Variants in ARL15 observed in about 807,000 individuals in gnomAD.
ARL15 encodes ARF like GTPase 15.
Under a neutral mutation model 25.2 loss-of-function variants are expected in ARL15, and 19 were observed. The observed-to-expected ratio is 0.75, with a 90% CI of 0.53 to 1.10. The LOEUF is 1.10. ARL15 is among the 50% of genes least tolerant of loss of function. The pLI is 0.00. For missense variants in ARL15, 220 were observed against 246.0 expected, an observed-to-expected ratio of 0.89 and a Z score of 0.71; for synonymous variants, 94 against 86.8, an observed-to-expected ratio of 1.08 and a Z score of -0.46.
intron 4 of ARL15, among the ~76,000 whole-genome samples, chr5:54,038,981 C>T (rs1288377720): frequency 6.6e-6 from 1 of 152,194 alleles, no homozygotes; most frequent in East Asian, 1.9e-4. Flanking sequence ...TCAAAACATA[C>T]TCCAAGATGC....
chr5:54,131,825 C>T (rs934277979), intron 3 of ARL15, among the ~76,000 whole-genome samples: 14 of 151,894 alleles, frequency 9.2e-5, no homozygotes, highest in African/African-American at 1.5e-4. Context: ...ATGGCGTGAA[C>T]CCAGGAGGCG....
chr5:53,970,761 T>G (rs1232272408), intron 4 of ARL15, among the ~76,000 whole-genome samples: 1 of 152,202 alleles, frequency 6.6e-6, no homozygotes, highest in Non-Finnish European at 1.5e-5. Flanking sequence ...CTTGCCAAAC[T>G]TTAAAGTTAT....
chr5:54,196,983 A>G (rs779066819), intron 1 of ARL15, among the ~76,000 whole-genome samples: 1 of 152,166 alleles, frequency 6.6e-6, no homozygotes, highest in Non-Finnish European at 1.5e-5. Context: ...AACTCTGAAG[A>G]ATATACTAGT....
Position 53,974,254 on chromosome 5 carries a change from CTGGGCAGCTA to C in ARL15, c.463-87551_463-87542del, listed in dbSNP as rs369911474. Among the ~76,000 whole-genome samples the C allele has an allele frequency of 6.3e-3, 960 of 152,346 alleles. 13 individuals carry two copies. The highest frequency in any genetic ancestry group is 0.022 in the African/African-American group (908 of 41,584). On this transcript the variant is annotated intron_variant, in intron 4 of 4. Transcript: ENST00000504924. ...AGAAGAAAGTGAGCACAGGCAGTGC[CTGGGCAGCTA>C]AGTGGTTGTAAGTGCCTGGGAGTGT... is the stretch of plus-strand genomic sequence containing the variant.
intron 4 of ARL15, among the ~76,000 whole-genome samples, chr5:54,063,167 T>C (rs894823841): frequency 1.3e-5 from 2 of 152,200 alleles, no homozygotes; most frequent in Non-Finnish European, 2.9e-5. Flanking sequence ...ATAAATCCCA[T>C]ACAAGGCAAG....
At chr5:53,961,561 T>A (rs1306893157) in intron 4 of ARL15, among the ~76,000 whole-genome samples, 1 of 151,778 alleles carries the variant, frequency 6.6e-6, no homozygotes, top group African/African-American at 2.4e-5. Context: ...AATTTACTAG[T>A]TGTTTGTGAT....
intron 4 of ARL15, among the ~76,000 whole-genome samples, chr5:53,902,983 A>T (rs538002094): frequency 6.6e-6 from 1 of 152,266 alleles, no homozygotes; most frequent in East Asian, 1.9e-4. Flanking sequence ...ACGGGAAGGG[A>T]ATTTCTTTCC....
intron 4 of ARL15, among the ~76,000 whole-genome samples, chr5:54,066,344 C>T (rs1561209855): frequency 2.0e-5 from 3 of 152,064 alleles, no homozygotes; most frequent in Non-Finnish European, 4.4e-5. Flanking sequence ...AGGCCATTTG[C>T]CATGTTTTCA....
At chr5:54,258,168 CAA>C (rs773543108) in intron 1 of ARL15, among the ~76,000 whole-genome samples, 10 of 121,658 alleles carry the variant, frequency 8.2e-5, no homozygotes, top group Middle Eastern at 4.3e-3. Flanking sequence ...TTTGTTTCTA[CAA>C]AAAAAAAAAA....
At chr5:53,964,855 C>T (rs1286244942) in intron 4 of ARL15, among the ~76,000 whole-genome samples, 1 of 152,172 alleles carries the variant, frequency 6.6e-6, no homozygotes, top group Non-Finnish European at 1.5e-5. Flanking sequence ...TACCTTGTTA[C>T]AAGTAAAAGA....
At chr5:54,059,457 T>C (rs935806977) in intron 4 of ARL15, among the ~76,000 whole-genome samples, 7 of 152,224 alleles carry the variant, frequency 4.6e-5, no homozygotes, top group Admixed American at 3.3e-4. Context: ...GCTTAACCAG[T>C]TGTATTTAAA....
chr5:54,048,814 A>C (rs1750615202), intron 4 of ARL15, among the ~76,000 whole-genome samples: 1 of 150,920 alleles, frequency 6.6e-6, no homozygotes, highest in African/African-American at 2.4e-5. Flanking sequence ...AAAAAACAAC[A>C]GTCCGACATT....
chr5:53,976,432 C>T (rs957087612), intron 4 of ARL15, among the ~76,000 whole-genome samples: 2 of 152,150 alleles, frequency 1.3e-5, no homozygotes, highest in African/African-American at 2.4e-5. Flanking sequence ...ATGCATAGAG[C>T]GTCTTCTATG....
At chr5:53,963,304 T>C (rs1395948931) in intron 4 of ARL15, among the ~76,000 whole-genome samples, 1 of 152,154 alleles carries the variant, frequency 6.6e-6, no homozygotes, top group Non-Finnish European at 1.5e-5. Flanking sequence ...TAAAAATACA[T>C]CTTGAAAGCC....
At chr5:54,065,326 C>G (rs1751190547) in intron 4 of ARL15, among the ~76,000 whole-genome samples, 1 of 152,220 alleles carries the variant, frequency 6.6e-6, no homozygotes, top group African/African-American at 2.4e-5. Context: ...ATAATAGCCA[C>G]TAGCTACATC....
intron 3 of ARL15, among the ~76,000 whole-genome samples, chr5:54,153,169 G>T (rs1579852631): frequency 6.6e-6 from 1 of 152,152 alleles, no homozygotes; most frequent in South Asian, 2.1e-4. Flanking sequence ...ATATCCATAA[G>T]TAATATTATT....
intron 4 of ARL15, among the ~76,000 whole-genome samples, chr5:54,057,560 T>C (rs754390286): frequency 2.0e-5 from 3 of 152,240 alleles, no homozygotes; most frequent in African/African-American, 7.2e-5. Context: ...ATTTAAAGCA[T>C]ACTATTGATG....
intron 4 of ARL15, among the ~76,000 whole-genome samples, chr5:54,072,580 A>G (rs538012140): frequency 1.3e-5 from 2 of 152,344 alleles, no homozygotes; most frequent in African/African-American, 4.8e-5. Context: ...TTCCTATCAT[A>G]CATACATTCT....
chr5:53,891,671 C>T (rs1182559987), intron 4 of ARL15, among the ~76,000 whole-genome samples: 2 of 152,212 alleles, frequency 1.3e-5, no homozygotes, highest in African/African-American at 4.8e-5. Context: ...TCACCCACTA[C>T]ACACAATGCC....
Sources: gnomAD v4.1 joint callset for allele counts (sites outside exome capture counted in the v4.1 genomes callset) on GRCh38, gnomAD v4.1.1 for gene constraint, MANE v1.5 for transcripts, NCBI Gene and HGNC (gene_info 2026-07-23, HGNC 2026-07-21) for gene names.